Variants in CDKL1 observed in about 807,000 individuals in gnomAD.
CDKL1 encodes cyclin dependent kinase like 1.
CDKL1 carries 41 observed loss-of-function variants against 42.0 expected under a neutral mutation model. The ratio of observed to expected loss-of-function variants is 0.98; its 90% confidence interval spans 0.76 to 1.27. CDKL1 has a LOEUF of 1.27. Ranked by LOEUF, CDKL1 falls within the 50% of genes most tolerant of loss-of-function variation. The pLI, the probability that CDKL1 is intolerant of heterozygous loss-of-function variation, is 0.00. For missense variants in CDKL1, 394 were observed against 428.4 expected, an observed-to-expected ratio of 0.92 and a Z score of 0.71; for synonymous variants, 153 against 158.6, an observed-to-expected ratio of 0.96 and a Z score of 0.26.
chr14:50,373,948 C>G (rs1283276149), intron 2 of CDKL1, among the ~76,000 whole-genome samples: 1 of 152,182 alleles, frequency 6.6e-6, no homozygotes, highest in Admixed American at 6.5e-5. Flanking sequence ...TGGTTGAAAA[C>G]TATGTCCATA....
chr14:50,390,106 TTTACTAGGTC>T (rs1234784900), intron 2 of CDKL1: 4 of 1,334,962 alleles, frequency 3.0e-6, no homozygotes, highest in Non-Finnish European at 4.0e-6. Context: ...TTTGTCCAAA[TTTACTAGGTC>T]CCTTGCCCCT....
At chr14:50,343,940 T>A (rs1003960206) in intron 4 of CDKL1, among the ~76,000 whole-genome samples, 14 of 152,324 alleles carry the variant, frequency 9.2e-5, no homozygotes, top group African/African-American at 3.4e-4. Flanking sequence ...GAATGCAGCA[T>A]CAGGAAAAAT....
At position 50,395,796 on chromosome 14, in the gene CDKL1, C is replaced by A; in HGVS notation, c.73G>T (p.Asp25Tyr). The change falls in exon 2 of 10, where the codon GAC (aspartate) becomes TAC (tyrosine). Residue 25 changes from aspartate to tyrosine, a missense_variant. Asp to Tyr is a radical substitution (Grantham distance 160). Transcript: ENST00000395834. ...TTGATGGCCACAATCTGACCCGTGT[C>A]CCTGTTTCTACATTTGAAAACAACT... ...YGVVFKCRNR[D>Y]TGQIVAIKKF... 1 of 1,613,290 alleles carries A rather than the reference C, an allele frequency of 6.2e-7. No homozygotes were observed. The highest frequency in any genetic ancestry group is 1.3e-5 in the African/African-American group (1 of 75,044).
Position 50,375,796 on chromosome 14 carries a change from CA to C in CDKL1, c.169-16648del, listed in dbSNP as rs879761807. ...TGGGCAACAGAGCGAGACTCCATCTCAAAAAAAAAAAATAGCGGTAAGTCAT... is the reference window on the plus strand; with the variant it reads ...TGGGCAACAGAGCGAGACTCCATCTCAAAAAAAAAAATAGCGGTAAGTCAT... On this transcript the variant is annotated intron_variant, in intron 2 of 9. Coordinates refer to ENST00000395834, the MANE Select transcript of CDKL1 (RefSeq NM_004196.7). Among the ~76,000 whole-genome samples, 1,192 of 139,264 alleles carry C rather than the reference CA, an allele frequency of 8.6e-3. 14 individuals carry two copies. Among genetic ancestry groups the C allele is most frequent in the African/African-American group, 0.028 (1,054 of 37,878 alleles). 91.4% of individuals were successfully genotyped at this position (139,264 alleles called of 152,430 possible).
rs533274353 is a variant in CDKL1 at position 50,377,453 on chromosome 14, G to A, written c.168+18248C>T. 15 of 507,886 alleles carry A rather than the reference G, an allele frequency of 3.0e-5. No homozygotes were observed. The East Asian group carries it at 1.0e-3, about 35-fold the overall frequency. The allele number at this position is 507,886 out of a possible 1,614,324, so 31.5% of individuals were successfully genotyped here. On this transcript the variant is annotated intron_variant, in intron 2 of 9. Coordinates refer to ENST00000395834, the MANE Select transcript of CDKL1 (RefSeq NM_004196.7). Reference sequence around the variant, plus strand: ...CCCTGTCACCTACTCCTGCTCTCTGGTATCACTTCCCAAAATAAACTCCTA... The same window carrying A: ...CCCTGTCACCTACTCCTGCTCTCTGATATCACTTCCCAAAATAAACTCCTA...
At chr14:50,390,976 A>G (rs1371793984) in intron 2 of CDKL1, among the ~76,000 whole-genome samples, 1 of 152,168 alleles carries the variant, frequency 6.6e-6, no homozygotes, top group Non-Finnish European at 1.5e-5. Flanking sequence ...CTGGGACTAC[A>G]GGTGCATGCC....
At chr14:50,393,182 G>A (rs2139556926) in intron 2 of CDKL1, among the ~76,000 whole-genome samples, 1 of 152,228 alleles carries the variant, frequency 6.6e-6, no homozygotes, top group Admixed American at 6.5e-5. Flanking sequence ...GCTCAAACAT[G>A]CCTCCAATCA....
chr14:50,364,466 C>G (rs1181573806), intron 2 of CDKL1, among the ~76,000 whole-genome samples: 1 of 152,184 alleles, frequency 6.6e-6, no homozygotes, highest in Non-Finnish European at 1.5e-5. Context: ...AAAACTCTGT[C>G]TCTAAATAAA....
intron 3 of CDKL1, chr14:50,357,230 A>G (rs1365537934): frequency 6.6e-6 from 1 of 152,206 alleles, no homozygotes; most frequent in African/African-American, 2.4e-5. Context: ...TATGTAAATT[A>G]ACATTCTGAA....
rs1472350675 is a variant in CDKL1 at position 50,332,419 on chromosome 14, A to G, written c.809T>C (p.Met270Thr). ...ALGLLKGCLH[M>T]DPTQRLTCEQ... Reference sequence around the variant, plus strand: ...ACATGTCAGCCTTTGAGTAGGGTCCATGTGGAGACAGCCCTAAAAGAACAG... The same window carrying G: ...ACATGTCAGCCTTTGAGTAGGGTCCGTGTGGAGACAGCCCTAAAAGAACAG... Residue 270 changes from methionine (M) to threonine (T), a missense_variant, in exon 9 of 10, where the codon ATG becomes ACG. Met to Thr is a moderately conservative substitution (Grantham distance 81). Transcript: ENST00000395834. 2 of 1,610,680 alleles carry G rather than the reference A, an allele frequency of 1.2e-6. No homozygotes were observed. The highest frequency in any genetic ancestry group is 1.7e-6 in the Non-Finnish European group (2 of 1,179,138).
chr14:50,346,810 A>G (rs10151771), intron 3 of CDKL1, among the ~76,000 whole-genome samples: 118,289 of 151,730 alleles, frequency 0.78, 46,964 homozygotes, highest in African/African-American at 0.94. Flanking sequence ...CACCACACTC[A>G]GCTAATTTTT....
chr14:50,371,496 A>G (rs1049564179), intron 2 of CDKL1, among the ~76,000 whole-genome samples: 140 of 152,300 alleles, frequency 9.2e-4, no homozygotes, highest in African/African-American at 3.3e-3. Flanking sequence ...GCATTTTTCC[A>G]TATATCTGTT....
At chr14:50,339,563 A>G (rs1228070598) in intron 6 of CDKL1, among the ~76,000 whole-genome samples, 2 of 151,666 alleles carry the variant, frequency 1.3e-5, no homozygotes, top group Non-Finnish European at 1.5e-5. Flanking sequence ...GAAGGGAAGG[A>G]AGGAAGAAAT....
chr14:50,349,844 C>T (rs1385936916), intron 3 of CDKL1, among the ~76,000 whole-genome samples: 2 of 152,158 alleles, frequency 1.3e-5, no homozygotes, highest in African/African-American at 4.8e-5. Context: ...TCTTGGCTCA[C>T]TGCAACTTTC....
At position 50,341,222 on chromosome 14, in the gene CDKL1, A is replaced by G; in HGVS notation, c.465T>C (p.Ser155=). The G allele has an allele frequency of 6.3e-7, 1 of 1,594,484 alleles. No individual in the cohort carries two copies. The highest frequency in any genetic ancestry group is 8.6e-7 in the Non-Finnish European group (1 of 1,167,460). Residue 155 remains serine, a synonymous_variant, in exon 6 of 10, where the codon AGT becomes AGC. Transcript: ENST00000395834. ...TAGCCACGTAGTCTGTATAGTAGTC[A>G]CTCGGTCCAGCTAGCCAGTGATGGA... ...FGFARLLTGP[S]DYYTDYVATR... is the part of the protein sequence containing the mutation.
At chr14:50,385,831 C>T (rs927038112) in intron 2 of CDKL1, among the ~76,000 whole-genome samples, 3 of 146,422 alleles carry the variant, frequency 2.0e-5, no homozygotes, top group South Asian at 2.1e-4. Context: ...AAAGTCATGG[C>T]AATGTACAGT....
At chr14:50,371,665 C>G (rs1246604795) in intron 2 of CDKL1, among the ~76,000 whole-genome samples, 7 of 152,196 alleles carry the variant, frequency 4.6e-5, no homozygotes, top group Non-Finnish European at 1.0e-4. Flanking sequence ...GCTGTGTGCT[C>G]CCTGGAGCTG....
chr14:50,391,781 C>G (rs982621683), intron 2 of CDKL1, among the ~76,000 whole-genome samples: 1 of 152,178 alleles, frequency 6.6e-6, no homozygotes, highest in Non-Finnish European at 1.5e-5. Context: ...CCTCCAACAT[C>G]AAGTTTTTTC....
chr14:50,326,717 T>C lies in CDKL1; in HGVS notation c.*3357A>G, dbSNP rs2032719248. ...TAATAAAGGAAACAGTAAAAACTAG[T>C]GGGCTATGCTTAGGTTTTTCTTGAA... On this transcript the variant is annotated 3_prime_UTR_variant, in exon 10 of 10. Coordinates refer to ENST00000395834, the MANE Select transcript of CDKL1 (RefSeq NM_004196.7). 1.0e-6 allele frequency: 1 copy of C among 985,298 alleles called. No homozygotes were observed. Among genetic ancestry groups the C allele is most frequent in the Admixed American group, 6.1e-5 (1 of 16,268 alleles). The allele number at this position is 985,298 out of a possible 1,614,324, so 61.0% of individuals were successfully genotyped here.
Sources: gnomAD v4.1 joint callset for allele counts (sites outside exome capture counted in the v4.1 genomes callset) on GRCh38, gnomAD v4.1.1 for gene constraint, MANE v1.5 for transcripts, NCBI Gene and HGNC (gene_info 2026-07-23, HGNC 2026-07-21) for gene names.